The following ENOX1 variants were observed in gnomAD, a reference collection of about 807,000 sequenced individuals.
ENOX1 encodes ecto-NOX disulfide-thiol exchanger 1.
Under a neutral mutation model 82.5 loss-of-function variants are expected in ENOX1, and 42 were observed. The observed-to-expected ratio is 0.51, with a 90% CI of 0.40 to 0.66. ENOX1 has a LOEUF of 0.66. ENOX1 is among the 30% of genes least tolerant of loss of function. The pLI, the probability that ENOX1 is intolerant of heterozygous loss-of-function variation, is 0.00. For missense variants in ENOX1, 608 were observed against 811.6 expected (o/e 0.75, Z 3.05); for synonymous variants, 271 against 282.2 (o/e 0.96, Z 0.40).
chr13:43,710,808 T>C (rs1417767701), intron 1 of ENOX1, among the ~76,000 whole-genome samples: 1 of 151,404 alleles, frequency 6.6e-6, no homozygotes, highest in African/African-American at 2.4e-5. Context: ...AAAATTGCTC[T>C]ACAGAAACAA....
intron 12 of ENOX1, among the ~76,000 whole-genome samples, chr13:43,290,488 T>A (rs1472015756): frequency 6.6e-6 from 1 of 152,088 alleles, no homozygotes; most frequent in East Asian, 1.9e-4. Context: ...CCTAAACAAG[T>A]TAACATAGTA....
At chr13:43,781,596 C>T (rs1015620516) in intron 1 of ENOX1, among the ~76,000 whole-genome samples, 2 of 152,096 alleles carry the variant, frequency 1.3e-5, no homozygotes, top group Admixed American at 1.3e-4. Context: ...TCACTGCAAC[C>T]TCTGCCTCCC....
chr13:43,290,875 A>AAATT (rs1436581379), intron 12 of ENOX1, among the ~76,000 whole-genome samples: 1 of 152,152 alleles, frequency 6.6e-6, no homozygotes, highest in African/African-American at 2.4e-5. Flanking sequence ...AAAAATACAA[A>AAATT]AATTAACCAG....
At chr13:43,676,541 A>G (rs1376458844) in intron 1 of ENOX1, among the ~76,000 whole-genome samples, 2 of 152,084 alleles carry the variant, frequency 1.3e-5, no homozygotes, top group Admixed American at 1.3e-4. Context: ...TGAGTCATAC[A>G]TTTTCTGTTC....
chr13:43,452,506 T>G (rs900008963), intron 3 of ENOX1, among the ~76,000 whole-genome samples: 1 of 152,166 alleles, frequency 6.6e-6, no homozygotes, highest in African/African-American at 2.4e-5. Context: ...ACATTTTCTT[T>G]ATCCTGTCCA....
At chr13:43,545,547 C>G (rs949110811) in intron 2 of ENOX1, 1 of 152,226 alleles carries the variant, frequency 6.6e-6, no homozygotes, top group Non-Finnish European at 1.5e-5. Flanking sequence ...CCCCAGTCAC[C>G]GTGAGGGGTC....
intron 2 of ENOX1, among the ~76,000 whole-genome samples, chr13:43,489,308 C>A (rs185839286): frequency 6.4e-4 from 97 of 152,262 alleles, no homozygotes; most frequent in African/African-American, 2.1e-3. Flanking sequence ...CATTCTGTTA[C>A]GGCATTCCTC....
Position 43,696,483 on chromosome 13 carries a change from T to C in ENOX1, c.-284-28939A>G, listed in dbSNP as rs148347323. Among the ~76,000 whole-genome samples, 1,091 of 152,308 alleles carry C rather than the reference T, an allele frequency of 7.2e-3. 13 individuals are homozygous for C. Among genetic ancestry groups the C allele is most frequent in the African/African-American group, 0.025 (1,040 of 41,556 alleles). On this transcript the variant is annotated intron_variant, in intron 1 of 16. Transcript: ENST00000690772. ...TCAGCTGGGAAAGTAATTGGGATACTTCAAAAGATATTTTACACATAGTGG... is the reference window on the plus strand; with the variant it reads ...TCAGCTGGGAAAGTAATTGGGATACCTCAAAAGATATTTTACACATAGTGG...
chr13:43,387,057 G>A (rs1198950765), intron 5 of ENOX1, among the ~76,000 whole-genome samples: 3 of 152,204 alleles, frequency 2.0e-5, no homozygotes, highest in African/African-American at 7.2e-5. Flanking sequence ...CCCCCAGCAA[G>A]TATTAATAAG....
intron 1 of ENOX1, among the ~76,000 whole-genome samples, chr13:43,721,282 AATT>A (rs1278268153): frequency 1.3e-5 from 2 of 152,142 alleles, no homozygotes; most frequent in East Asian, 1.9e-4. Flanking sequence ...TTAAATTTTT[AATT>A]ATTATTTTCT....
At chr13:43,289,744 G>C (rs888820005) in intron 12 of ENOX1, among the ~76,000 whole-genome samples, 1 of 152,090 alleles carries the variant, frequency 6.6e-6, no homozygotes, top group Admixed American at 6.6e-5. Context: ...TTAAACTAAA[G>C]AGCTTCTGCA....
At chr13:43,295,380 G>A (rs4942198) in intron 12 of ENOX1, among the ~76,000 whole-genome samples, 51,618 of 151,934 alleles carry the variant, frequency 0.34, 9,021 homozygotes, top group East Asian at 0.54. Flanking sequence ...GGGTAAACTC[G>A]GAAACTTCCA....
intron 15 of ENOX1, among the ~76,000 whole-genome samples, chr13:43,233,689 A>G (rs1191801096): frequency 1.3e-5 from 2 of 149,562 alleles, no homozygotes; most frequent in African/African-American, 5.1e-5. Flanking sequence ...TGCGTTTCTT[A>G]TATAACATTT....
intron 1 of ENOX1, among the ~76,000 whole-genome samples, chr13:43,726,757 A>T (rs1310343650): frequency 1.4e-5 from 2 of 145,060 alleles, no homozygotes; most frequent in Non-Finnish European, 3.0e-5. Flanking sequence ...TGTGTGTGAG[A>T]GAGAGACAGG....
chr13:43,506,916 A>G (rs1452476576), intron 2 of ENOX1, among the ~76,000 whole-genome samples: 1 of 151,578 alleles, frequency 6.6e-6, no homozygotes, highest in African/African-American at 2.4e-5. Flanking sequence ...CAGCACATCA[A>G]CATGGCACAT....
Position 43,626,832 on chromosome 13 carries a change from T to C in ENOX1, c.-219+40647A>G, listed in dbSNP as rs980728635. Among the ~76,000 whole-genome samples, 3 of 151,966 alleles carry C rather than the reference T, an allele frequency of 2.0e-5. No individual in the cohort carries two copies. The South Asian group carries it at 6.2e-4, about 31-fold the overall frequency. ...TAGTTGATGGTTTTGTGAGATATTC[T>C]ATATCCTTACTGATTTTCTGTATAA... On this transcript the variant is annotated intron_variant, in intron 2 of 16. Transcript: ENST00000690772.
chr13:43,542,972 G>A (rs1329186692), intron 2 of ENOX1, among the ~76,000 whole-genome samples: 1 of 152,056 alleles, frequency 6.6e-6, no homozygotes, highest in African/African-American at 2.4e-5. Flanking sequence ...TGAGGGCTCC[G>A]GCTACGTGAC....
chr13:43,242,917 C>T (rs2042906897), intron 14 of ENOX1, among the ~76,000 whole-genome samples: 1 of 152,154 alleles, frequency 6.6e-6, no homozygotes, highest in Non-Finnish European at 1.5e-5. Context: ...AGGTGGATCA[C>T]TTGAAGTCAG....
chr13:43,605,684 A>T (rs9567232), intron 2 of ENOX1, among the ~76,000 whole-genome samples: 1 of 151,972 alleles, frequency 6.6e-6, no homozygotes, highest in East Asian at 1.9e-4. Flanking sequence ...AAAATCTAAG[A>T]GCTCAAACTG....
Sources: allele counts gnomAD v4.1 joint callset (sites outside exome capture counted in the v4.1 genomes callset), GRCh38; gene constraint gnomAD v4.1.1; transcripts MANE v1.5; gene names NCBI Gene and HGNC (gene_info 2026-07-23, HGNC 2026-07-21).